TRPM2: variants seen among roughly 807,000 people sequenced by gnomAD.
The protein encoded by TRPM2 is estrogen-responsive element-associated gene 1 protein.
Under a neutral mutation model 174.0 loss-of-function variants are expected in TRPM2, and 161 were observed. The ratio of observed to expected loss-of-function variants is 0.93; its 90% CI spans 0.81 to 1.05. The LOEUF (loss-of-function observed/expected upper bound fraction) is 1.05. Among genes scored for constraint, TRPM2 ranks in the 50% least tolerant of loss-of-function variants. The probability of loss-of-function intolerance (pLI) is 0.00; values close to 1 mark genes in which losing one functional copy is unlikely to be tolerated. For synonymous variants in TRPM2, 954 were observed against 861.3 expected (o/e 1.11, Z -1.88); for missense variants, 2,057 against 2,038.0 (o/e 1.01, Z -0.18).
upstream of TRPM2, among the ~76,000 whole-genome samples, chr21:44,352,737 G>A (rs2123002712): frequency 1.3e-5 from 2 of 152,224 alleles, no homozygotes; most frequent in African/African-American, 4.8e-5. Context: ...GCAGTCATCC[G>A]GTGGCTTCTT....
At position 44,406,443 on chromosome 21, in the gene TRPM2, G is replaced by A. The variant is rs2049879076; in HGVS notation, c.2791-151G>A. On this transcript the variant is annotated intron_variant, in intron 18 of 31. Transcript: ENST00000397928. ...ATGTCGGCAGTCCACGAGGGTGTGG[G>A]GGCAGCCCCAGGACTGCTCCTGGGA... 10 of 941,792 alleles carry A rather than the reference G, an allele frequency of 1.1e-5. No homozygotes were observed. The South Asian group carries it at 1.4e-4, about 13-fold the overall frequency. 58.3% of individuals were successfully genotyped at this position (941,792 alleles called of 1,614,324 possible).
chr21:44,372,854 C>A (rs1262023644), intron 5 of TRPM2, among the ~76,000 whole-genome samples: 1 of 152,192 alleles, frequency 6.6e-6, no homozygotes, highest in Admixed American at 6.5e-5. Context: ...CACGGCCCTG[C>A]CTTCAGGACG....
chr21:44,405,791 C>T (rs2049849255), intron 17 of TRPM2, 114 bp from the exon 18 acceptor site: 1 of 1,317,854 alleles, frequency 7.6e-7, no homozygotes, highest in Non-Finnish European at 1.0e-6. Flanking sequence ...CCACCAGAGC[C>T]CTTTGCCTCC....
Position 44,369,287 on chromosome 21 carries a change from A to G in TRPM2, c.715A>G (p.Ile239Val). ...SSYKEGELIT[I>V]GVATWGTVHR... ...CTACAAGGAAGGCGAGCTCATCACC[A>G]TCGGAGTCGCCACCTGGGGCACTGT... is the stretch of plus-strand genomic sequence containing the variant. The change falls in exon 5 of 32, where the codon ATC becomes GTC. Residue 239 changes from isoleucine to valine, a missense_variant. Physicochemically the swap from Ile to Val is conservative, Grantham distance 29 (BLOSUM62 3). Transcript: ENST00000397928. 1.2e-6 allele frequency: 2 copies of G among 1,613,744 alleles called. No individual in the cohort carries two copies. Among genetic ancestry groups the G allele is most frequent in the South Asian group, 2.2e-5 (2 of 91,076 alleles).
chr21:44,359,289 T>G (rs1001402791), intron 2 of TRPM2, among the ~76,000 whole-genome samples: 6 of 152,068 alleles, frequency 3.9e-5, no homozygotes, highest in African/African-American at 2.4e-5. Flanking sequence ...ACAGAAAAGT[T>G]CTCCAAGTCC....
chr21:44,355,704 A>G (rs2048039698), intron 2 of TRPM2, among the ~76,000 whole-genome samples: 1 of 152,018 alleles, frequency 6.6e-6, no homozygotes, highest in South Asian at 2.1e-4. Flanking sequence ...GCTCATATTT[A>G]CTGAATATGG....
chr21:44,355,645 G>A (rs2048038697), intron 2 of TRPM2, among the ~76,000 whole-genome samples: 1 of 152,146 alleles, frequency 6.6e-6, no homozygotes, highest in South Asian at 2.1e-4. Context: ...CTTCTGGGGG[G>A]CTGGGACGAA....
At chr21:44,377,573 G>A in intron 6 of TRPM2, 139 bp from the exon 7 acceptor site, 1 of 1,158,784 alleles carries the variant, frequency 8.6e-7, no homozygotes, top group Non-Finnish European at 1.3e-6. Context: ...CAGGGGGCAG[G>A]GGAGAGTGCC....
At chr21:44,408,836 T>C (rs2049994746) in intron 19 of TRPM2, among the ~76,000 whole-genome samples, 1 of 151,960 alleles carries the variant, frequency 6.6e-6, no homozygotes, top group Non-Finnish European at 1.5e-5. Flanking sequence ...TTTTGTATTT[T>C]TAGTAGATAC....
rs45598037 is a variant in TRPM2 at position 44,366,524 on chromosome 21, C to T, written c.424-230C>T. On this transcript the variant is annotated intron_variant, in intron 3 of 31. Coordinates refer to ENST00000397928, the MANE Select transcript of TRPM2 (RefSeq NM_003307.4). This position sits in a 1 kb window ranked among gnomAD's most constrained non-coding sequence, Gnocchi z 6.0. The stretch of plus-strand genomic sequence containing the variant: ...AGGGCTGGGGGAGGTTTGCTGAGGG[C>T]GATCCTGGTCCCCAAAGGATGGCCT... Among the ~76,000 whole-genome samples the T allele has an allele frequency of 0.013, 1,969 of 152,198 alleles. 40 individuals are homozygous for T. Among genetic ancestry groups the T allele is most frequent in the African/African-American group, 0.032 (1,339 of 41,526 alleles).
Position 44,391,479 on chromosome 21 carries a change from G to C in TRPM2, c.1648G>C (p.Ala550Pro), listed in dbSNP as rs1198081773. Residue 550 changes from alanine to proline, a missense_variant, in exon 11 of 32, where the codon GCG (alanine) becomes CCG (proline). Coordinates refer to ENST00000397928, the MANE Select transcript of TRPM2 (RefSeq NM_003307.4). This position sits in a 1 kb window ranked among gnomAD's most constrained non-coding sequence, Gnocchi z 5.0. ...LVEDPERPAC[A>P]PAAPRLQMHH... ...GGAGGATCCCGAGCGCCCGGCTTGC[G>C]CGCCCGCGGCGCCCCGCCTGCAGAT... 37 of 1,598,212 alleles carry C rather than the reference G, an allele frequency of 2.3e-5. No homozygotes were observed. Among genetic ancestry groups the C allele is most frequent in the Non-Finnish European group, 3.1e-5 (37 of 1,176,268 alleles).
intron 16 of TRPM2, among the ~76,000 whole-genome samples, chr21:44,404,788 G>C (rs2049807314): frequency 6.7e-6 from 1 of 150,314 alleles, no homozygotes; most frequent in Non-Finnish European, 1.5e-5. Context: ...TGTGATGATA[G>C]TGGATAGTGA....
intron 5 of TRPM2, among the ~76,000 whole-genome samples, chr21:44,372,427 G>A (rs1488995322): frequency 5.3e-5 from 8 of 152,092 alleles, no homozygotes; most frequent in Non-Finnish European, 5.9e-5. Context: ...CCTGGGAGGC[G>A]GAGGTTGCAG....
intron 11 of TRPM2, among the ~76,000 whole-genome samples, chr21:44,393,654 G>A (rs1212766691): frequency 2.0e-5 from 3 of 151,776 alleles, no homozygotes; most frequent in Non-Finnish European, 4.4e-5. Flanking sequence ...AGTCCATCTG[G>A]ACCCAGTGCC....
In TRPM2 at chr21:44,354,697, G is replaced by A. The variant is rs1233978549; in HGVS notation, c.215G>A (p.Cys72Tyr). The change falls in exon 2 of 32, where the codon TGC becomes TAC. Residue 72 changes from cysteine to tyrosine, a missense_variant. Physicochemically the swap from Cys to Tyr is radical, Grantham distance 194 (BLOSUM62 -2). Coordinates refer to ENST00000397928, the MANE Select transcript of TRPM2 (RefSeq NM_003307.4). This position sits in a 1 kb window ranked among gnomAD's most constrained non-coding sequence, Gnocchi z 4.3. ...WIPENIKKKE[C>Y]VYFVESSKLS... Reference sequence around the variant, plus strand: ...CCTGAAAACATCAAGAAGAAAGAATGCGTGTATTTTGTGGAAAGTTCCAAA... The same window carrying A: ...CCTGAAAACATCAAGAAGAAAGAATACGTGTATTTTGTGGAAAGTTCCAAA... The A allele has an allele frequency of 1.9e-6, 3 of 1,614,078 alleles. No homozygotes were observed. Among genetic ancestry groups the A allele is most frequent in the Non-Finnish European group, 2.5e-6 (3 of 1,180,032 alleles).
At chr21:44,429,988 T>A (rs2050967472) in intron 27 of TRPM2, among the ~76,000 whole-genome samples, 1 of 152,210 alleles carries the variant, frequency 6.6e-6, no homozygotes, top group Non-Finnish European at 1.5e-5. Context: ...AGGGGCTGAA[T>A]GCTACTAAAT....
chr21:44,399,848 G>A lies in TRPM2; in HGVS notation c.2208+407G>A, dbSNP rs567549770. 3.3e-4 allele frequency among the ~76,000 whole-genome samples: 50 copies of A among 152,284 alleles called. No individual in the cohort carries two copies. The highest frequency in any genetic ancestry group is 3.4e-3 in the Middle Eastern group (1 of 294). On this transcript the variant is annotated intron_variant, in intron 14 of 31. Transcript: ENST00000397928. The surrounding 1 kb of genome is among the most constrained non-coding windows in gnomAD (Gnocchi z 4.6). ...CCTCAGCATCGCCCTGGAACCCCCG[G>A]CAGGGCCTGGCTCCCAGCGAGTGCC...
chr21:44,411,856 A>T (rs1420941967), intron 19 of TRPM2, among the ~76,000 whole-genome samples: 1 of 152,150 alleles, frequency 6.6e-6, no homozygotes, highest in Non-Finnish European at 1.5e-5. Context: ...AAATGTTCAG[A>T]TGGTCTTTGA....
At chr21:44,356,688 C>T (rs1470971095) in intron 2 of TRPM2, among the ~76,000 whole-genome samples, 1 of 152,156 alleles carries the variant, frequency 6.6e-6, no homozygotes, top group Non-Finnish European at 1.5e-5. Flanking sequence ...GGTGATCCAC[C>T]AGCCTTGGCC....
Sources: allele counts gnomAD v4.1 joint callset (sites outside exome capture counted in the v4.1 genomes callset), GRCh38; gene constraint gnomAD v4.1.1; non-coding constraint Gnocchi (gnomAD v3.1); transcripts MANE v1.5; gene names NCBI Gene and HGNC (gene_info 2026-07-23, HGNC 2026-07-21).